Variants in SCD5 observed in about 807,000 individuals in gnomAD.
SCD5 encodes the protein stearoyl-CoA desaturase 5.
SCD5 carries 20 observed loss-of-function variants against 30.4 expected under a neutral mutation model. The observed-to-expected ratio is 0.66, with a 90% CI of 0.46 to 0.96. SCD5 has a LOEUF of 0.96. SCD5 is among the 40% of genes least tolerant of loss of function. SCD5 has a pLI of 0.00. For missense variants in SCD5, 381 were observed against 443.3 expected, an observed-to-expected ratio of 0.86 and a Z score of 1.26; for synonymous variants, 173 against 176.4, an observed-to-expected ratio of 0.98 and a Z score of 0.16.
At chr4:82,667,561 TA>T (rs1728218639) in intron 3 of SCD5, among the ~76,000 whole-genome samples, 1 of 152,202 alleles carries the variant, frequency 6.6e-6, no homozygotes, top group Non-Finnish European at 1.5e-5. Context: ...CATGTCTCTT[TA>T]GAAAGGCCAA....
intron 1 of SCD5, among the ~76,000 whole-genome samples, chr4:82,738,309 C>A (rs1390522778): frequency 6.6e-6 from 1 of 151,558 alleles, no homozygotes; most frequent in African/African-American, 2.4e-5. Context: ...GTGGTCCCAG[C>A]TACTCGGGAG....
intron 2 of SCD5, among the ~76,000 whole-genome samples, chr4:82,698,736 T>C (rs1030203195): frequency 9.8e-5 from 15 of 152,304 alleles, no homozygotes; most frequent in South Asian, 4.1e-4. Context: ...GCTCTTCCTC[T>C]ACCCTCCTCT....
At chr4:82,694,485 C>G (rs1208489217) in intron 2 of SCD5, among the ~76,000 whole-genome samples, 1 of 152,126 alleles carries the variant, frequency 6.6e-6, no homozygotes, top group Non-Finnish European at 1.5e-5. Flanking sequence ...CAGTGAGGAT[C>G]TTGTTCTTAG....
At chr4:82,778,577 G>A (rs1172163650) in intron 1 of SCD5, among the ~76,000 whole-genome samples, 3 of 152,244 alleles carry the variant, frequency 2.0e-5, no homozygotes, top group Non-Finnish European at 4.4e-5. Flanking sequence ...CATCCCCAGG[G>A]AGGGGAGGAC....
chr4:82,694,753 T>C (rs868263400), intron 2 of SCD5, among the ~76,000 whole-genome samples: 2 of 152,190 alleles, frequency 1.3e-5, no homozygotes, highest in South Asian at 2.1e-4. Flanking sequence ...TTCATCCTTG[T>C]CTTCTTTGCA....
intron 1 of SCD5, among the ~76,000 whole-genome samples, chr4:82,741,381 G>A (rs1295772322): frequency 6.6e-6 from 1 of 152,130 alleles, no homozygotes; most frequent in Non-Finnish European, 1.5e-5. Context: ...ACACTGCCAT[G>A]CTTGTTCTGA....
intron 3 of SCD5, among the ~76,000 whole-genome samples, chr4:82,653,727 T>C (rs1012567794): frequency 1.3e-5 from 2 of 151,372 alleles, no homozygotes; most frequent in South Asian, 2.1e-4. Flanking sequence ...TAGATAGATA[T>C]AGATAGATAG....
chr4:82,740,806 C>T (rs1327231244), intron 1 of SCD5, among the ~76,000 whole-genome samples: 2 of 152,222 alleles, frequency 1.3e-5, no homozygotes, highest in African/African-American at 4.8e-5. Context: ...AATTCTTCCC[C>T]TAATCCTTTA....
At chr4:82,641,826 C>T (rs1173916034) in intron 3 of SCD5, among the ~76,000 whole-genome samples, 2 of 152,078 alleles carry the variant, frequency 1.3e-5, no homozygotes, top group African/African-American at 4.8e-5. Context: ...TAGAGTGGCA[C>T]GACTTGTTAA....
In SCD5 at chr4:82,721,217, G is replaced by A. The variant is rs565285444; in HGVS notation, c.233-15804C>T. Among the ~76,000 whole-genome samples, 32 of 152,134 alleles carry A rather than the reference G, an allele frequency of 2.1e-4. 3 individuals carry two copies. In the South Asian group the frequency reaches 6.0e-3, roughly 29 times the overall value. On this transcript the variant is annotated intron_variant, in intron 1 of 4. Coordinates refer to ENST00000319540, the MANE Select transcript of SCD5 (RefSeq NM_001037582.3). Reference sequence around the variant, plus strand: ...ACAAAAAACCTCAAAGGACTGCCCCGTTTCGCAGCTCCCTGTAGCATATAG... The same window carrying A: ...ACAAAAAACCTCAAAGGACTGCCCCATTTCGCAGCTCCCTGTAGCATATAG...
At chr4:82,655,710 T>G (rs887181489) in intron 3 of SCD5, among the ~76,000 whole-genome samples, 2 of 152,222 alleles carry the variant, frequency 1.3e-5, no homozygotes, top group Non-Finnish European at 2.9e-5. Context: ...TTTTTGAGAC[T>G]GGAGCTAAAT....
rs1727441367 is a variant in SCD5, at chr4:82,636,771, G to A, written c.622C>T (p.Pro208Ser). The A allele has an allele frequency of 1.2e-6, 2 of 1,614,220 alleles. No homozygotes were observed. Among genetic ancestry groups the A allele is most frequent in the Non-Finnish European group, 1.7e-6 (2 of 1,180,030 alleles). Residue 208 changes from proline to serine, a missense_variant, in exon 4 of 5, where the codon CCC becomes TCC. Pro to Ser is a moderately conservative substitution (Grantham distance 74). Transcript: ENST00000319540. ...AGACTCTCTCCCCAGATGTACCAGGGCACCAGCGTGGGGACCACAAAGCAC... is the reference window on the plus strand; with the variant it reads ...AGACTCTCTCCCCAGATGTACCAGGACACCAGCGTGGGGACCACAAAGCAC... The part of the protein sequence containing the change: ...LMCFVVPTLV[P>S]WYIWGESLWN...
chr4:82,724,284 A>T (rs554211367), intron 1 of SCD5, among the ~76,000 whole-genome samples: 6 of 152,316 alleles, frequency 3.9e-5, no homozygotes, highest in African/African-American at 1.4e-4. Flanking sequence ...AAACGTTAGA[A>T]CCAGAACATA....
At chr4:82,796,780 A>C (rs565731564) in intron 1 of SCD5, among the ~76,000 whole-genome samples, 90 of 152,304 alleles carry the variant, frequency 5.9e-4, no homozygotes, top group Middle Eastern at 3.4e-3. Context: ...AACTCTGGGC[A>C]ATAAGGGCTT....
chr4:82,741,244 C>T (rs1299042314), intron 1 of SCD5, among the ~76,000 whole-genome samples: 1 of 152,032 alleles, frequency 6.6e-6, no homozygotes, highest in Non-Finnish European at 1.5e-5. Context: ...AGCCTCTTTT[C>T]CCACTTCTTA....
intron 4 of SCD5, among the ~76,000 whole-genome samples, chr4:82,635,447 G>A (rs558164822): frequency 1.3e-5 from 2 of 151,962 alleles, no homozygotes; most frequent in South Asian, 2.1e-4. Flanking sequence ...GTGAAATCCC[G>A]TCTCTACTAA....
At chr4:82,688,996 C>A (rs1206673665) in intron 2 of SCD5, among the ~76,000 whole-genome samples, 1 of 152,108 alleles carries the variant, frequency 6.6e-6, no homozygotes, top group Non-Finnish European at 1.5e-5. Context: ...AGTGATGTGA[C>A]CATTATTCTA....
chr4:82,643,649 C>T (rs2148813229), intron 3 of SCD5, among the ~76,000 whole-genome samples: 1 of 152,284 alleles, frequency 6.6e-6, no homozygotes, highest in South Asian at 2.1e-4. Flanking sequence ...GATGGTTATA[C>T]AGTATCATTA....
At chr4:82,737,660 T>C (rs921879688) in intron 1 of SCD5, among the ~76,000 whole-genome samples, 1 of 152,240 alleles carries the variant, frequency 6.6e-6, no homozygotes, top group African/African-American at 2.4e-5. Context: ...TGTTATATCA[T>C]GTGCTACTGG....
Sources: allele counts gnomAD v4.1 joint callset (sites outside exome capture counted in the v4.1 genomes callset), GRCh38; gene constraint gnomAD v4.1.1; transcripts MANE v1.5; gene names NCBI Gene and HGNC (gene_info 2026-07-23, HGNC 2026-07-21).